Variants in PBRM1 observed in about 807,000 individuals in gnomAD.
The protein encoded by PBRM1 is polybromo 1, also known as protein polybromo-1.
A neutral mutation model predicts 194.5 loss-of-function variants in PBRM1; 27 were observed. The observed-to-expected ratio is 0.14, with a 90% CI of 0.10 to 0.19. The LOEUF is 0.19. PBRM1 is among the 10% of genes least tolerant of loss of function. The pLI, the probability that PBRM1 is intolerant of heterozygous loss-of-function variation, is 1.00. For missense variants in PBRM1, 1,466 were observed against 2,077.2 expected (o/e 0.71, Z 5.72); for synonymous variants, 655 against 693.2 (o/e 0.94, Z 0.87).
chr3:52,561,937 T>C, exon 25 of PBRM1: 1 of 1,614,106 alleles, frequency 6.2e-7, no homozygotes, highest in African/African-American at 1.3e-5. Flanking sequence ...GCCTTCCTTC[T>C]TTGCACTGCC....
intron 3 of PBRM1, among the ~76,000 whole-genome samples, chr3:52,667,326 CA>C (rs911901179): frequency 6.6e-6 from 1 of 151,618 alleles, no homozygotes; most frequent in African/African-American, 2.4e-5. Context: ...TTCTGTTCAT[CA>C]AAAAATACCA....
At position 52,584,450 on chromosome 3, in the gene PBRM1, C is replaced by CTTTTTTTTTTTTTTTTTTT. The variant is rs397989611; in HGVS notation, c.3387+1956_3387+1974dup. ...AATTATCTGCAGAAAAGTATTCTTG[C>CTTTTTTTTTTTTTTTTTTT]TTTTTTTTTTTTTTTTTTTTTTTTT... On this transcript the variant is annotated intron_variant, in intron 20 of 29. Coordinates refer to ENST00000296302, the Ensembl canonical transcript of PBRM1. Among the ~76,000 whole-genome samples, 15 of 60,750 alleles carry CTTTTTTTTTTTTTTTTTTT rather than the reference C, an allele frequency of 2.5e-4. 1 individual carries two copies. The highest frequency in any genetic ancestry group is 1.1e-3 in the African/African-American group (14 of 12,930). The allele number at this position is 60,750 out of a possible 152,430, so 39.9% of individuals were successfully genotyped here.
At chr3:52,659,338 A>C (rs953167002) in intron 4 of PBRM1, among the ~76,000 whole-genome samples, 3 of 152,232 alleles carry the variant, frequency 2.0e-5, no homozygotes, top group Non-Finnish European at 4.4e-5. Context: ...AATAAAGAGT[A>C]ATTTTTTTTC....
chr3:52,677,173 G>A (rs2097124455), intron 2 of PBRM1, among the ~76,000 whole-genome samples: 1 of 152,112 alleles, frequency 6.6e-6, no homozygotes, highest in Non-Finnish European at 1.5e-5. Context: ...GACACCAAAG[G>A]CACAGGCAAC....
chr3:52,648,362 A>G (rs2096389213), exon 7 of PBRM1: 2 of 1,602,740 alleles, frequency 1.2e-6, no homozygotes, highest in Non-Finnish European at 1.7e-6. Context: ...CTTGAGAGCC[A>G]GGCTCATTAT....
intron 11 of PBRM1, among the ~76,000 whole-genome samples, chr3:52,633,550 A>G (rs188118531): frequency 6.6e-6 from 1 of 152,092 alleles, no homozygotes; most frequent in East Asian, 1.9e-4. Context: ...TCTTAATCAC[A>G]TGGTAATTCT....
chr3:52,571,610 G>A (rs1264704621), intron 22 of PBRM1, among the ~76,000 whole-genome samples: 2 of 87,712 alleles, frequency 2.3e-5, no homozygotes, highest in African/African-American at 9.5e-5. Flanking sequence ...TGGGCAACAA[G>A]AGCGAAACTC....
chr3:52,649,848 C>A (rs33967311), intron 6 of PBRM1, among the ~76,000 whole-genome samples: 51,973 of 151,858 alleles, frequency 0.34, 9,899 homozygotes, highest in Admixed American at 0.46. Flanking sequence ...GACCTTGAAT[C>A]GGGTGATGGC....
intron 11 of PBRM1, among the ~76,000 whole-genome samples, chr3:52,632,998 C>T (rs1194923160): frequency 6.6e-6 from 1 of 152,098 alleles, no homozygotes; most frequent in Non-Finnish European, 1.5e-5. Context: ...CTGCACCCAG[C>T]CTACCTTGAC....
chr3:52,559,647 G>A (rs2082993509), intron 25 of PBRM1, among the ~76,000 whole-genome samples: 1 of 152,064 alleles, frequency 6.6e-6, no homozygotes, highest in Non-Finnish European at 1.5e-5. Flanking sequence ...AGGTCATATG[G>A]CTTTACAGAG....
chr3:52,663,259 G>A (rs981558155), intron 3 of PBRM1, among the ~76,000 whole-genome samples: 2 of 152,152 alleles, frequency 1.3e-5, no homozygotes, highest in Non-Finnish European at 1.5e-5. Context: ...TCTGGGCAGC[G>A]AGGAGGGAAG....
intron 5 of PBRM1, among the ~76,000 whole-genome samples, chr3:52,655,233 T>G (rs1282553396): frequency 6.6e-6 from 1 of 152,058 alleles, no homozygotes; most frequent in African/African-American, 2.4e-5. Flanking sequence ...ATTAAACAAC[T>G]CCCCATTCCC....
intron 20 of PBRM1, among the ~76,000 whole-genome samples, chr3:52,579,917 C>T (rs893151040): frequency 6.6e-6 from 1 of 152,166 alleles, no homozygotes; most frequent in African/African-American, 2.4e-5. Flanking sequence ...ATCACATTTA[C>T]TGGGCTCCCT....
intron 22 of PBRM1, among the ~76,000 whole-genome samples, chr3:52,574,716 C>T (rs1478066034): frequency 6.6e-6 from 1 of 152,164 alleles, no homozygotes; most frequent in African/African-American, 2.4e-5. Flanking sequence ...AAAGGCAAAG[C>T]AGAGTTGTAA....
At chr3:52,557,855 T>C (rs1478827299) in intron 26 of PBRM1, among the ~76,000 whole-genome samples, 4 of 152,226 alleles carry the variant, frequency 2.6e-5, no homozygotes, top group Admixed American at 2.6e-4. Flanking sequence ...AACTGAATAC[T>C]GGAATGAGAT....
chr3:52,545,870 G>C (rs2079616691), downstream of PBRM1: 1 of 232,394 alleles, frequency 4.3e-6, no homozygotes, highest in Non-Finnish European at 8.5e-6. Flanking sequence ...CTTTTTTGAA[G>C]ATGGCTGACC....
chr3:52,563,548 C>A (rs2153518101), intron 23 of PBRM1, 55 bp from the exon 26 acceptor site: 1 of 1,281,956 alleles, frequency 7.8e-7, no homozygotes, highest in Non-Finnish European at 1.1e-6. Flanking sequence ...CCAGAATAAG[C>A]CGGAAAGCAG....
upstream of PBRM1, among the ~76,000 whole-genome samples, chr3:52,683,923 C>A (rs2154083928): frequency 6.6e-6 from 1 of 150,672 alleles, no homozygotes; most frequent in African/African-American, 2.4e-5. Context: ...GTAGTCCCAG[C>A]ACTTGGAGAG....
exon 8 of PBRM1, chr3:52,644,769 T>A (rs1560714275): frequency 6.6e-7 from 1 of 1,510,206 alleles, no homozygotes; most frequent in Non-Finnish European, 9.2e-7. Flanking sequence ...TATAAAATAT[T>A]TTTTTAATTG....
Sources: allele counts gnomAD v4.1 joint callset (sites outside exome capture counted in the v4.1 genomes callset), GRCh38; gene constraint gnomAD v4.1.1; transcripts MANE v1.5; gene names NCBI Gene and HGNC (gene_info 2026-07-23, HGNC 2026-07-21).